RYR2: variants seen among roughly 807,000 people sequenced by gnomAD.
RYR2 encodes the protein cardiac muscle ryanodine receptor-calcium release channel.
Under a neutral mutation model 601.1 loss-of-function variants are expected in RYR2, and 227 were observed. That is an observed-to-expected ratio of 0.38 (90% CI 0.34 to 0.42). The LOEUF is 0.42. RYR2 is among the 10% of genes least tolerant of loss of function. The probability of loss-of-function intolerance (pLI) is 1.00; values close to 1 mark genes in which losing one functional copy is unlikely to be tolerated. For missense variants in RYR2, 4,646 were observed against 6,156.5 expected (o/e 0.75, Z 8.21); for synonymous variants, 2,223 against 2,175.1 (o/e 1.02, Z -0.61).
At chr1:237,760,096 G>C (rs149700850) in intron 83 of RYR2, among the ~76,000 whole-genome samples, 150 of 151,554 alleles carry the variant, frequency 9.9e-4, no homozygotes, top group African/African-American at 3.5e-3. Context: ...TATAATCCCA[G>C]AGCTTTGGGA....
intron 2 of RYR2, among the ~76,000 whole-genome samples, chr1:237,288,666 C>G (rs962355638): frequency 6.6e-6 from 1 of 152,064 alleles, no homozygotes; most frequent in Non-Finnish European, 1.5e-5. Context: ...ACTGTGCCCC[C>G]CAACAACAGC....
chr1:237,074,997 T>C (rs1046707811), intron 1 of RYR2, among the ~76,000 whole-genome samples: 2 of 152,064 alleles, frequency 1.3e-5, no homozygotes, highest in Non-Finnish European at 2.9e-5. Flanking sequence ...TTGGGAGCTA[T>C]ATTGATAGAG....
In RYR2 at chr1:237,467,968, C is replaced by T. The variant is rs139632321; in HGVS notation, c.1613-1124C>T. Among the ~76,000 whole-genome samples, 826 of 150,762 alleles carry T rather than the reference C, an allele frequency of 5.5e-3. 23 individuals are homozygous for T. In the East Asian group the frequency reaches 0.097, roughly 18 times the overall value. ...CTGCCTCCCGGGTTCAAGCGATTCTCTTAACTCAGCCTCCTGAGTAGCTGG... is the reference window on the plus strand; with the variant it reads ...CTGCCTCCCGGGTTCAAGCGATTCTTTTAACTCAGCCTCCTGAGTAGCTGG... On this transcript the variant is annotated intron_variant, in intron 16 of 104. Coordinates refer to ENST00000366574, the MANE Select transcript of RYR2 (RefSeq NM_001035.3).
intron 1 of RYR2, among the ~76,000 whole-genome samples, chr1:237,135,665 C>T (rs528681184): frequency 5.3e-5 from 8 of 152,156 alleles, no homozygotes; most frequent in East Asian, 1.9e-4. Context: ...CATGAGCCAC[C>T]GCGCCCGGCC....
At chr1:237,383,498 C>T (rs1399662187) in intron 8 of RYR2, among the ~76,000 whole-genome samples, 6 of 129,034 alleles carry the variant, frequency 4.6e-5, no homozygotes, top group Admixed American at 3.7e-4. Flanking sequence ...GGCACGATCT[C>T]GGCTCGCTGC....
At chr1:237,320,043 G>A (rs1042249639) in intron 2 of RYR2, among the ~76,000 whole-genome samples, 3 of 152,182 alleles carry the variant, frequency 2.0e-5, no homozygotes, top group Admixed American at 1.3e-4. Flanking sequence ...GATGGGAGTA[G>A]CCCAGGAAAG....
intron 17 of RYR2, among the ~76,000 whole-genome samples, chr1:237,491,420 C>G (rs529203011): frequency 3.9e-5 from 6 of 152,246 alleles, no homozygotes; most frequent in Admixed American, 6.5e-5. Flanking sequence ...ACCAGATATG[C>G]CCCACGTTCA....
At chr1:237,829,382 C>G (rs147489289) in intron 102 of RYR2, among the ~76,000 whole-genome samples, 1 of 152,236 alleles carries the variant, frequency 6.6e-6, no homozygotes, top group East Asian at 1.9e-4. Context: ...CTGCCTGAAT[C>G]CATCTAGTTT....
intron 3 of RYR2, among the ~76,000 whole-genome samples, chr1:237,347,307 C>T (rs572025021): frequency 1.2e-4 from 18 of 151,870 alleles, no homozygotes; most frequent in African/African-American, 3.9e-4. Context: ...AGTGAGACCC[C>T]GTCTCAAAAA....
chr1:237,127,951 G>A (rs1216790139), intron 1 of RYR2, among the ~76,000 whole-genome samples: 3 of 152,218 alleles, frequency 2.0e-5, no homozygotes, highest in African/African-American at 7.2e-5. Context: ...TGGGCGGCCA[G>A]GCAGAGATGC....
intron 1 of RYR2, among the ~76,000 whole-genome samples, chr1:237,061,714 CCT>C (rs1285637313): frequency 2.6e-5 from 4 of 152,114 alleles, no homozygotes; most frequent in Non-Finnish European, 5.9e-5. Flanking sequence ...GCTTTTCCCC[CCT>C]CTGTTACTGA....
In RYR2 at chr1:237,319,558, TA is replaced by T. The variant is rs1460677591; in HGVS notation, c.169-11313del. ...CCAATAACGTCATTGCTTAATGTTTTAAAAAAATTATTCTTATTTTTATTTT... is the reference window on the plus strand; with the variant it reads ...CCAATAACGTCATTGCTTAATGTTTTAAAAAATTATTCTTATTTTTATTTT... On this transcript the variant is annotated intron_variant, in intron 2 of 104. Coordinates refer to ENST00000366574, the MANE Select transcript of RYR2 (RefSeq NM_001035.3). Among the ~76,000 whole-genome samples the T allele has an allele frequency of 3.3e-5, 5 of 152,284 alleles. No homozygotes were observed. The East Asian group carries it at 9.7e-4, about 29-fold the overall frequency.
At chr1:237,760,548 C>T (rs1573840838) in intron 83 of RYR2, among the ~76,000 whole-genome samples, 1 of 151,542 alleles carries the variant, frequency 6.6e-6, no homozygotes, top group East Asian at 1.9e-4. Context: ...AACTCATTTG[C>T]GGTAATCGTT....
rs1325647584 is a variant in RYR2 at position 237,594,916 on chromosome 1, T to G, written c.4437-582T>G. On this transcript the variant is annotated intron_variant, in intron 33 of 104. Coordinates refer to ENST00000366574, the MANE Select transcript of RYR2 (RefSeq NM_001035.3). ...TTTTTTTTTTTTTTTTTTTTTTTTT[T>G]TTTTTTTTTTTTTTTGCATATTCTA... Among the ~76,000 whole-genome samples the G allele has an allele frequency of 4.7e-4, 40 of 85,812 alleles. 1 individual carries two copies. The highest frequency in any genetic ancestry group is 8.8e-4 in the African/African-American group (25 of 28,412). The allele number at this position is 85,812 out of a possible 152,430, so 56.3% of individuals were successfully genotyped here. A position where few individuals can be genotyped will look rare whatever the true frequency, so the allele number is the denominator to read the frequency against.
At chr1:237,593,662 G>T (rs1675486460) in intron 33 of RYR2, 26 bp downstream of exon 33, 1 of 1,611,876 alleles carries the variant, frequency 6.2e-7, no homozygotes, top group Non-Finnish European at 8.5e-7. Context: ...TTTTTTGCAA[G>T]AATGACATGT....
chr1:237,582,169 CTCA>C (rs1212309400), intron 29 of RYR2, among the ~76,000 whole-genome samples: 1 of 152,016 alleles, frequency 6.6e-6, no homozygotes, highest in Non-Finnish European at 1.5e-5. Flanking sequence ...GTGGCATGAG[CTCA>C]GCTCACTGCA....
intron 104 of RYR2, among the ~76,000 whole-genome samples, chr1:237,832,190 C>A (rs1663873044): frequency 6.6e-6 from 1 of 151,354 alleles, no homozygotes; most frequent in Admixed American, 6.6e-5. Context: ...AGGCATGCAC[C>A]ACCACACCTG....
At position 237,784,412 on chromosome 1, in the gene RYR2, G is replaced by A. The variant is rs773317989; in HGVS notation, c.12700G>A (p.Ala4234Thr). ...ERPEEQGPRM[A>T]FFSILTVRSA... ...GCCGGAAGAGCAGGGGCCGAGGATG[G>A]CTTTCTTCTCCATTCTGACGGTCAG... The change falls in exon 90 of 105, where the codon GCT becomes ACT. Residue 4234 changes from alanine (A) to threonine (T), a missense_variant. By Grantham distance (58) the Ala-to-Thr change is moderately conservative. Transcript: ENST00000366574. The surrounding 1 kb of genome is among the most constrained non-coding windows in gnomAD (Gnocchi z 7.1). 19 of 1,613,762 alleles carry A rather than the reference G, an allele frequency of 1.2e-5. No homozygotes were observed. The highest frequency in any genetic ancestry group is 1.5e-5 in the Non-Finnish European group (18 of 1,179,858).
intron 78 of RYR2, among the ~76,000 whole-genome samples, chr1:237,733,333 C>T (rs866441856): frequency 1.6e-4 from 24 of 152,142 alleles, no homozygotes; most frequent in Admixed American, 3.3e-4. Context: ...GGGACTCTTT[C>T]CATCAAATGT....
Sources: allele counts gnomAD v4.1 joint callset (sites outside exome capture counted in the v4.1 genomes callset), GRCh38; gene constraint gnomAD v4.1.1; non-coding constraint Gnocchi (gnomAD v3.1); transcripts MANE v1.5; gene names NCBI Gene and HGNC (gene_info 2026-07-23, HGNC 2026-07-21).